The following TTYH3 variants were observed in gnomAD, a reference collection of about 807,000 sequenced individuals.
TTYH3 encodes the protein protein tweety homolog 3.
A neutral mutation model predicts 68.2 loss-of-function variants in TTYH3; 23 were observed. That is an observed-to-expected ratio of 0.34 (90% CI 0.24 to 0.48). The LOEUF is 0.48. Ranked by LOEUF, TTYH3 falls within the 20% of genes least tolerant of loss-of-function variation. The pLI, the probability that TTYH3 is intolerant of heterozygous loss-of-function variation, is 0.99. For synonymous variants in TTYH3, 360 were observed against 332.8 expected, an observed-to-expected ratio of 1.08 and a Z score of -0.89; for missense variants, 768 against 727.7, an observed-to-expected ratio of 1.06 and a Z score of -0.64.
At chr7:2,636,172 A>C (rs1785651823) in intron 1 of TTYH3, among the ~76,000 whole-genome samples, 1 of 152,214 alleles carries the variant, frequency 6.6e-6, no homozygotes, top group African/African-American at 2.4e-5. Context: ...AGGTGAGGTC[A>C]GCCTTGTGCC....
At position 2,645,571 on chromosome 7, in the gene TTYH3, G is replaced by C. The variant is rs1785957229; in HGVS notation, c.124-1282G>C. The C allele has an allele frequency of 3.0e-6, 1 of 335,402 alleles. No homozygotes were observed. The highest frequency in any genetic ancestry group is 2.3e-5 in the South Asian group (1 of 43,316). 20.8% of individuals were successfully genotyped at this position (335,402 alleles called of 1,614,324 possible). A position where few individuals can be genotyped will look rare whatever the true frequency, so the allele number is the denominator to read the frequency against. On this transcript the variant is annotated intron_variant, in intron 1 of 13. Coordinates refer to ENST00000258796, the MANE Select transcript of TTYH3 (RefSeq NM_025250.3). The surrounding 1 kb of genome is among the most constrained non-coding windows in gnomAD (Gnocchi z 4.8). ...GACCTGGGGAGAGCCACACTGGAAG[G>C]CCGTGCTTGGAGCCAGACAGGGCTG...
chr7:2,656,906 G>A lies in TTYH3; in HGVS notation c.1250+372G>A, dbSNP rs372873781. Among the ~76,000 whole-genome samples the A allele has an allele frequency of 5.5e-4, 84 of 152,378 alleles. 3 individuals carry two copies. The South Asian group carries it at 0.016, about 29-fold the overall frequency. On this transcript the variant is annotated intron_variant, in intron 11 of 13. Transcript: ENST00000258796. ...CCAGGCAGGTGTCCCCCACCATGGGGTGCAGGTGCACGACGCTGTGGGGGA... is the reference window on the plus strand; with the variant it reads ...CCAGGCAGGTGTCCCCCACCATGGGATGCAGGTGCACGACGCTGTGGGGGA...
rs1209816133 is a variant in TTYH3, at chr7:2,659,015, A to G, written c.1500A>G (p.Ser500=). ...PLIGRESPPP[S]YTSSMRAKYL... ...TTGGGCGCGAGTCCCCGCCGCCCTC[A>G]GTAAGTCTTGGGGCAGGAGGGTGGA... The change falls in exon 13 of 14, where the codon TCA becomes TCG. Residue 500 remains serine (S), a splice_region_variant and synonymous_variant. Transcript: ENST00000258796. 1.2e-6 allele frequency: 2 copies of G among 1,613,758 alleles called. No individual in the cohort carries two copies. The highest frequency in any genetic ancestry group is 1.1e-5 in the South Asian group (1 of 91,030).
intron 13 of TTYH3, chr7:2,660,084 C>T (rs979435392): frequency 1.0e-5 from 13 of 1,282,430 alleles, no homozygotes; most frequent in African/African-American, 3.1e-5. Flanking sequence ...CACCCGCCTG[C>T]GCCTCCCGCC....
rs1372150608 is a variant in TTYH3, at chr7:2,649,960, G to T, written c.843G>T (p.Met281Ile). The change falls in exon 7 of 14, where the codon ATG becomes ATT. Residue 281 changes from methionine to isoleucine, a missense_variant. Transcript: ENST00000258796. ...CVDPDAYVTK[M>I]VEEYSVLSGD... Reference sequence around the variant, plus strand: ...ACCCTGACGCCTACGTGACCAAAATGGTGGAGGAGTACTCGGTGCTGAGTG... The same window carrying T: ...ACCCTGACGCCTACGTGACCAAAATTGTGGAGGAGTACTCGGTGCTGAGTG... 7 of 1,613,930 alleles carry T rather than the reference G, an allele frequency of 4.3e-6. No individual in the cohort carries two copies. The East Asian group carries it at 1.6e-4, about 36-fold the overall frequency.
intron 9 of TTYH3, among the ~76,000 whole-genome samples, chr7:2,653,499 T>G (rs1786247918): frequency 6.6e-6 from 1 of 152,160 alleles, no homozygotes. Context: ...ATTGTGGAAA[T>G]TTGAGAGGAT....
At chr7:2,650,127 A>T in intron 7 of TTYH3, 139 bp downstream of exon 7, 1 of 800,328 alleles carries the variant, frequency 1.2e-6, no homozygotes, top group Non-Finnish European at 2.0e-6. Flanking sequence ...CCAAGATGCT[A>T]GTGAGCAAAC....
intron 7 of TTYH3, among the ~76,000 whole-genome samples, chr7:2,651,971 C>T (rs1786191950): frequency 6.6e-6 from 1 of 152,140 alleles, no homozygotes; most frequent in Non-Finnish European, 1.5e-5. Context: ...TGCACACCGG[C>T]ACACGTGCAC....
chr7:2,656,754 C>T (rs552353849), intron 11 of TTYH3, among the ~76,000 whole-genome samples: 2 of 152,326 alleles, frequency 1.3e-5, no homozygotes, highest in South Asian at 4.1e-4. Flanking sequence ...CCTGGAGGAG[C>T]TCCCGGCCTG....
At chr7:2,659,278 C>A (rs926660011) in intron 13 of TTYH3, among the ~76,000 whole-genome samples, 2 of 152,146 alleles carry the variant, frequency 1.3e-5, no homozygotes, top group Non-Finnish European at 2.9e-5. Context: ...TGGGCAGCCT[C>A]GGGACCAGCC....
Position 2,658,299 on chromosome 7 carries a change from G to A in TTYH3, c.1264G>A (p.Asp422Asn). Reference sequence around the variant, plus strand: ...CCCTCCTCACAGAGGCCCTGATGAGGACGGGGAGGAGGAGGCCGCTCCAGG... The same window carrying A: ...CCCTCCTCACAGAGGCCCTGATGAGAACGGGGAGGAGGAGGCCGCTCCAGG... ...TWQQKRGPDE[D>N]GEEEAAPGPR... Residue 422 changes from aspartate (D) to asparagine (N), a missense_variant, in exon 12 of 14, where the codon GAC becomes AAC. By Grantham distance (23) the Asp-to-Asn change is conservative. Transcript: ENST00000258796. The A allele has an allele frequency of 6.3e-7, 1 of 1,589,426 alleles. No individual in the cohort carries two copies. Among genetic ancestry groups the A allele is most frequent in the South Asian group, 1.1e-5 (1 of 88,090 alleles).
intron 5 of TTYH3, 125 bp downstream of exon 5, chr7:2,648,179 G>T (rs1786054642): frequency 2.3e-6 from 2 of 884,234 alleles, no homozygotes; most frequent in East Asian, 5.3e-5. Flanking sequence ...GGGCTGAGCG[G>T]GACCCCCCTG....
chr7:2,632,536 G>C (rs1021430661), intron 1 of TTYH3, among the ~76,000 whole-genome samples: 9 of 152,008 alleles, frequency 5.9e-5, no homozygotes, highest in Admixed American at 5.2e-4. Context: ...AGGGTCCACG[G>C]CCCCCCTCCC....
chr7:2,648,285 C>T, intron 5 of TTYH3: 1 of 532,184 alleles, frequency 1.9e-6, no homozygotes. Flanking sequence ...TGATTTCCTG[C>T]AAGAGTCTGC....
rs1039347249 is a variant in TTYH3, at chr7:2,645,901, G to C, written c.124-952G>C. On this transcript the variant is annotated intron_variant, in intron 1 of 13. Transcript: ENST00000258796. This position sits in a 1 kb window ranked among gnomAD's most constrained non-coding sequence, Gnocchi z 4.8. ...CCAGGACTCAGGTAGGAGAGTTCTG[G>C]GCCTGAGACGGGGACGGGCTCTGGG... 4.3e-6 allele frequency: 2 copies of C among 469,312 alleles called. No individual in the cohort carries two copies. Among genetic ancestry groups the C allele is most frequent in the African/African-American group, 4.0e-5 (2 of 50,052 alleles). The allele number at this position is 469,312 out of a possible 1,614,324, so 29.1% of individuals were successfully genotyped here.
At chr7:2,643,981 C>A (rs1204998923) in intron 1 of TTYH3, among the ~76,000 whole-genome samples, 1 of 152,048 alleles carries the variant, frequency 6.6e-6, no homozygotes, top group Non-Finnish European at 1.5e-5. Flanking sequence ...GTCGGGGGAG[C>A]GAGGGTGACT....
chr7:2,653,009 A>T lies in TTYH3; in HGVS notation c.1019A>T (p.Lys340Met), dbSNP rs1052753169. 1 of 1,567,066 alleles carries T rather than the reference A, an allele frequency of 6.4e-7. No individual in the cohort carries two copies. The highest frequency in any genetic ancestry group is 8.7e-7 in the Non-Finnish European group (1 of 1,155,366). The change falls in exon 9 of 14, where the codon AAG becomes ATG. Residue 340 changes from lysine to methionine, a missense_variant and splice_region_variant. Lys to Met is a moderately conservative substitution (Grantham distance 95, BLOSUM62 -1). Transcript: ENST00000258796. ...RTVPWEQPAT[K>M]DPLLRVQEVL... Reference sequence around the variant, plus strand: ...GTCCCCTGGGAGCAGCCGGCCACTAAGGTGAGGGGCTGCGGGGTAGGCACT... The same window carrying T: ...GTCCCCTGGGAGCAGCCGGCCACTATGGTGAGGGGCTGCGGGGTAGGCACT...
intron 7 of TTYH3, among the ~76,000 whole-genome samples, chr7:2,650,531 T>C (rs1001872827): frequency 6.6e-6 from 1 of 151,322 alleles, no homozygotes; most frequent in Non-Finnish European, 1.5e-5. Flanking sequence ...TGAGCCGAGA[T>C]CGCACCACTG....
intron 1 of TTYH3, chr7:2,646,003 C>T (rs540976067): frequency 1.0e-4 from 33 of 327,446 alleles, no homozygotes; most frequent in Middle Eastern, 1.7e-3. Flanking sequence ...TTCGCTTCTT[C>T]GGGGGAGCAG....
Sources: allele counts gnomAD v4.1 joint callset (sites outside exome capture counted in the v4.1 genomes callset), GRCh38; gene constraint gnomAD v4.1.1; non-coding constraint Gnocchi (gnomAD v3.1); transcripts MANE v1.5; gene names NCBI Gene and HGNC (gene_info 2026-07-23, HGNC 2026-07-21).